ZMAT4: variants seen among roughly 807,000 people sequenced by gnomAD.
ZMAT4 encodes zinc finger matrin-type protein 4.
A neutral mutation model predicts 28.7 loss-of-function variants in ZMAT4; 17 were observed. The ratio of observed to expected loss-of-function variants is 0.59; its 90% confidence interval spans 0.41 to 0.89. ZMAT4 has a LOEUF of 0.89. Ranked by LOEUF, ZMAT4 falls within the 40% of genes least tolerant of loss-of-function variation. The probability of loss-of-function intolerance (pLI) is 0.00; values close to 1 mark genes in which losing one functional copy is unlikely to be tolerated. For missense variants in ZMAT4, 240 were observed against 283.8 expected (o/e 0.85, Z 1.11); for synonymous variants, 117 against 109.2 (o/e 1.07, Z -0.44).
chr8:40,653,634 A>G lies in ZMAT4; in HGVS notation c.577+21070T>C, dbSNP rs183502068. Among the ~76,000 whole-genome samples the G allele has an allele frequency of 2.0e-5, 3 of 152,268 alleles. No homozygotes were observed. The East Asian group carries it at 5.8e-4, about 29-fold the overall frequency. The stretch of plus-strand genomic sequence containing the variant: ...AAAGGATTGTTAGTTAATACTATGG[A>G]AAATTGCATGCCAATAAATAAGACA... On this transcript the variant is annotated intron_variant, in intron 5 of 6. Coordinates refer to ENST00000297737, the MANE Select transcript of ZMAT4 (RefSeq NM_024645.3).
At chr8:40,807,483 C>A (rs549111540) in intron 2 of ZMAT4, among the ~76,000 whole-genome samples, 120 of 152,190 alleles carry the variant, frequency 7.9e-4, no homozygotes, top group Non-Finnish European at 1.5e-3. Context: ...ATTCTGGAGT[C>A]AAATCTAAGT....
intron 4 of ZMAT4, among the ~76,000 whole-genome samples, chr8:40,680,764 C>T (rs548251369): frequency 1.3e-5 from 2 of 151,890 alleles, no homozygotes; most frequent in African/African-American, 4.8e-5. Context: ...CATCCCCCAT[C>T]AAGCTCCCTC....
At chr8:40,607,535 C>A (rs903661664) in intron 5 of ZMAT4, among the ~76,000 whole-genome samples, 4 of 152,048 alleles carry the variant, frequency 2.6e-5, no homozygotes, top group Non-Finnish European at 4.4e-5. Context: ...ATTTTTCTGG[C>A]AATTTGGAGA....
intron 3 of ZMAT4, among the ~76,000 whole-genome samples, chr8:40,701,473 C>T (rs921543664): frequency 3.5e-4 from 52 of 147,496 alleles, no homozygotes; most frequent in South Asian, 1.1e-3. Context: ...ACTAACTGCT[C>T]TAATGACGCT....
chr8:40,690,987 G>A, intron 4 of ZMAT4: 1 of 935,840 alleles, frequency 1.1e-6, no homozygotes, highest in Non-Finnish European at 1.3e-6. Context: ...ATAAATATCT[G>A]TCTTTGTTGC....
chr8:40,545,543 C>G (rs1270066788), intron 6 of ZMAT4, among the ~76,000 whole-genome samples: 1 of 152,124 alleles, frequency 6.6e-6, no homozygotes, highest in Non-Finnish European at 1.5e-5. Context: ...TAGGGTGACT[C>G]CTAACCCAAT....
chr8:40,785,196 A>G (rs969594639), intron 2 of ZMAT4, among the ~76,000 whole-genome samples: 1 of 152,212 alleles, frequency 6.6e-6, no homozygotes, highest in African/African-American at 2.4e-5. Flanking sequence ...TGCAAGACTG[A>G]CCCGTCTCTG....
intron 1 of ZMAT4, among the ~76,000 whole-genome samples, chr8:40,878,450 A>G (rs1331379705): frequency 6.6e-6 from 1 of 152,254 alleles, no homozygotes; most frequent in Admixed American, 6.5e-5. Flanking sequence ...TATTTTCAGT[A>G]AAACCAATAC....
intron 5 of ZMAT4, among the ~76,000 whole-genome samples, chr8:40,645,669 GT>G (rs1281847269): frequency 2.6e-5 from 4 of 152,126 alleles, no homozygotes; most frequent in African/African-American, 9.7e-5. Flanking sequence ...AATGCTTCAA[GT>G]TTGGATGTAA....
intron 1 of ZMAT4, among the ~76,000 whole-genome samples, chr8:40,842,691 CAAG>C (rs1285429931): frequency 1.2e-4 from 18 of 152,180 alleles, no homozygotes; most frequent in Admixed American, 5.2e-4. Flanking sequence ...TGAATTTCTG[CAAG>C]AAGAAGGTAA....
chr8:40,575,094 C>T (rs1279757494), intron 6 of ZMAT4, among the ~76,000 whole-genome samples: 1 of 152,104 alleles, frequency 6.6e-6, no homozygotes, highest in East Asian at 1.9e-4. Context: ...ACATGACCAC[C>T]CTGGCTGCTC....
intron 3 of ZMAT4, among the ~76,000 whole-genome samples, chr8:40,738,331 G>T (rs1029706264): frequency 6.6e-6 from 1 of 152,164 alleles, no homozygotes; most frequent in African/African-American, 2.4e-5. Flanking sequence ...ACAAAGTTCA[G>T]ACCCTGCCAC....
chr8:40,692,513 G>C (rs2150489719), intron 4 of ZMAT4, among the ~76,000 whole-genome samples: 1 of 152,290 alleles, frequency 6.6e-6, no homozygotes, highest in Middle Eastern at 3.4e-3. Flanking sequence ...CTTATTTCTT[G>C]TTCGTGCAAA....
intron 1 of ZMAT4, among the ~76,000 whole-genome samples, chr8:40,833,652 C>CA (rs1327179468): frequency 1.3e-5 from 2 of 151,774 alleles, no homozygotes; most frequent in Non-Finnish European, 2.9e-5. Context: ...GTCTGACCCC[C>CA]ACTCCCGGGA....
At chr8:40,757,218 A>C (rs1449984523) in intron 3 of ZMAT4, among the ~76,000 whole-genome samples, 1 of 152,092 alleles carries the variant, frequency 6.6e-6, no homozygotes, top group Non-Finnish European at 1.5e-5. Flanking sequence ...ACTTTGGGTG[A>C]CTCAAACTTT....
intron 5 of ZMAT4, among the ~76,000 whole-genome samples, chr8:40,653,420 A>G (rs1807774815): frequency 1.3e-5 from 2 of 152,072 alleles, no homozygotes; most frequent in Non-Finnish European, 2.9e-5. Flanking sequence ...GAATAGAAGA[A>G]GATGAAATAG....
intron 2 of ZMAT4, among the ~76,000 whole-genome samples, chr8:40,807,330 T>C (rs542298558): frequency 1.3e-5 from 2 of 152,116 alleles, no homozygotes; most frequent in Admixed American, 1.3e-4. Flanking sequence ...TAGTCCCAGA[T>C]ACTCAGGAGG....
At chr8:40,640,957 C>CAA (rs557407610) in intron 5 of ZMAT4, among the ~76,000 whole-genome samples, 2 of 74,892 alleles carry the variant, frequency 2.7e-5, no homozygotes, top group Admixed American at 1.4e-4. Flanking sequence ...GACTCCATCT[C>CAA]AAAAAAAAAA....
At chr8:40,635,705 C>T (rs1423355619) in intron 5 of ZMAT4, among the ~76,000 whole-genome samples, 1 of 152,200 alleles carries the variant, frequency 6.6e-6, no homozygotes, top group Non-Finnish European at 1.5e-5. Context: ...TTTATTAATT[C>T]TGCACCTCTG....
Sources: allele counts gnomAD v4.1 joint callset (sites outside exome capture counted in the v4.1 genomes callset), GRCh38; gene constraint gnomAD v4.1.1; transcripts MANE v1.5; gene names NCBI Gene and HGNC (gene_info 2026-07-23, HGNC 2026-07-21).